SPOCK3: variants seen among roughly 807,000 people sequenced by gnomAD.
SPOCK3 encodes SPARC (osteonectin), cwcv and kazal like domains proteoglycan 3, also known as testican-3.
A neutral mutation model predicts 56.6 loss-of-function variants in SPOCK3; 30 were observed. The ratio of observed to expected loss-of-function variants is 0.53; its 90% CI spans 0.40 to 0.72. The LOEUF is 0.72. Among genes scored for constraint, SPOCK3 ranks in the 30% least tolerant of loss-of-function variants. SPOCK3 has a pLI of 0.00. For synonymous variants in SPOCK3, 196 were observed against 183.3 expected (o/e 1.07, Z -0.56); for missense variants, 527 against 530.0 (o/e 0.99, Z 0.06).
At chr4:167,183,198 TCAGCCCAGCCCAGTC>T (rs1731651884) in intron 2 of SPOCK3, among the ~76,000 whole-genome samples, 1 of 151,970 alleles carries the variant, frequency 6.6e-6, no homozygotes, top group South Asian at 2.1e-4. Context: ...ATGAAAACAT[TCAGCCCAGCCCAGTC>T]CAGCCCAGCC....
At chr4:166,983,823 T>A (rs1746848637) in intron 4 of SPOCK3, among the ~76,000 whole-genome samples, 1 of 152,086 alleles carries the variant, frequency 6.6e-6, no homozygotes, top group Non-Finnish European at 1.5e-5. Flanking sequence ...AAAGCAAGAC[T>A]ATAGTAGCCT....
At chr4:167,025,882 A>T (rs1751652883) in intron 3 of SPOCK3, among the ~76,000 whole-genome samples, 1 of 152,092 alleles carries the variant, frequency 6.6e-6, no homozygotes. Context: ...GGTACAGTCT[A>T]CTACTCACCT....
At chr4:167,134,631 A>G (rs1292226868) in intron 2 of SPOCK3, among the ~76,000 whole-genome samples, 2 of 152,276 alleles carry the variant, frequency 1.3e-5, no homozygotes, top group African/African-American at 4.8e-5. Context: ...TAATTTATGC[A>G]TCACAAACTT....
intron 4 of SPOCK3, among the ~76,000 whole-genome samples, chr4:166,949,137 G>A (rs553312499): frequency 2.0e-5 from 3 of 152,064 alleles, no homozygotes; most frequent in South Asian, 2.1e-4. Flanking sequence ...GATCGCATCC[G>A]CTCCTGAGGC....
rs570475958 is a variant in SPOCK3 at position 166,736,899 on chromosome 4, T to TA, written c.1132+567dup. 9.2e-5 allele frequency among the ~76,000 whole-genome samples: 14 copies of TA among 152,228 alleles called. No individual in the cohort carries two copies. In the South Asian group the frequency reaches 2.7e-3, roughly 29 times the overall value. On this transcript the variant is annotated intron_variant, in intron 10 of 10. Coordinates refer to ENST00000357545, the MANE Select transcript of SPOCK3 (RefSeq NM_001040159.2). The stretch of plus-strand genomic sequence containing the variant: ...TTACATTCTATTTTAAATATATACA[T>TA]AAAAAATGCATGTTCCTAAAAAAGA...
chr4:167,209,669 T>G (rs548693254), intron 2 of SPOCK3, among the ~76,000 whole-genome samples: 1 of 152,156 alleles, frequency 6.6e-6, no homozygotes, highest in Non-Finnish European at 1.5e-5. Context: ...AGCCATTACA[T>G]AGAAGATCAA....
chr4:166,987,141 A>G (rs561503966), intron 4 of SPOCK3, among the ~76,000 whole-genome samples: 31 of 152,164 alleles, frequency 2.0e-4, no homozygotes, highest in Non-Finnish European at 4.1e-4. Context: ...GCCCTATAAG[A>G]TATGAGTGCT....
intron 3 of SPOCK3, among the ~76,000 whole-genome samples, chr4:167,004,560 G>T (rs1297588968): frequency 1.3e-5 from 2 of 152,092 alleles, no homozygotes; most frequent in Non-Finnish European, 2.9e-5. Flanking sequence ...CCACACACAA[G>T]AATTTGGAGA....
At chr4:167,055,234 A>C (rs377360499) in intron 3 of SPOCK3, among the ~76,000 whole-genome samples, 2 of 152,210 alleles carry the variant, frequency 1.3e-5, no homozygotes, top group East Asian at 3.9e-4. Flanking sequence ...TGGTAAATTA[A>C]AAACTAAAAA....
intron 2 of SPOCK3, among the ~76,000 whole-genome samples, chr4:167,117,242 G>T (rs888723857): frequency 3.3e-5 from 5 of 151,970 alleles, no homozygotes; most frequent in Non-Finnish European, 7.4e-5. Flanking sequence ...AAGAGGAAAA[G>T]GAACATCAGC....
At chr4:166,744,155 C>T (rs939857031) in intron 8 of SPOCK3, among the ~76,000 whole-genome samples, 2 of 152,196 alleles carry the variant, frequency 1.3e-5, no homozygotes, top group Admixed American at 6.5e-5. Context: ...AGACTGCCTC[C>T]TCAAGTGGGT....
At chr4:167,023,026 G>A (rs1038076769) in intron 3 of SPOCK3, among the ~76,000 whole-genome samples, 33 of 151,928 alleles carry the variant, frequency 2.2e-4, no homozygotes, top group African/African-American at 7.7e-4. Flanking sequence ...AGAAATTCAT[G>A]TACACAATGA....
intron 6 of SPOCK3, among the ~76,000 whole-genome samples, chr4:166,881,531 C>T (rs1733692135): frequency 6.6e-6 from 1 of 151,980 alleles, no homozygotes; most frequent in African/African-American, 2.4e-5. Flanking sequence ...TTTCGCTCCA[C>T]AAAACATAGA....
At chr4:167,154,160 G>GA (rs1764627166) in intron 2 of SPOCK3, among the ~76,000 whole-genome samples, 1 of 151,892 alleles carries the variant, frequency 6.6e-6, no homozygotes, top group Non-Finnish European at 1.5e-5. Context: ...TCCAAGAAGG[G>GA]GTTCATAGAC....
rs570494999 is a variant in SPOCK3, at chr4:167,211,794, C to A, written c.189+22191G>T. Among the ~76,000 whole-genome samples the A allele has an allele frequency of 6.6e-5, 10 of 152,254 alleles. No individual in the cohort carries two copies. In the South Asian group the frequency reaches 2.1e-3, roughly 32 times the overall value. ...TCAGCAGCATGAAAAAGGACTAATACATGTACATATTGGAACATAGTAAAT... is the reference window on the plus strand; with the variant it reads ...TCAGCAGCATGAAAAAGGACTAATAAATGTACATATTGGAACATAGTAAAT... On this transcript the variant is annotated intron_variant, in intron 2 of 10. Coordinates refer to ENST00000357545, the MANE Select transcript of SPOCK3 (RefSeq NM_001040159.2).
At chr4:167,127,602 A>G (rs1428557094) in intron 2 of SPOCK3, among the ~76,000 whole-genome samples, 1 of 151,906 alleles carries the variant, frequency 6.6e-6, no homozygotes, top group Non-Finnish European at 1.5e-5. Flanking sequence ...TAATTTTTGT[A>G]TTTTTAGTAG....
At chr4:167,055,524 G>C (rs540953491) in intron 3 of SPOCK3, among the ~76,000 whole-genome samples, 1 of 152,178 alleles carries the variant, frequency 6.6e-6, no homozygotes, top group Non-Finnish European at 1.5e-5. Flanking sequence ...GAAGCCCAAG[G>C]GGTCAGGGAG....
intron 4 of SPOCK3, among the ~76,000 whole-genome samples, chr4:166,920,919 T>C (rs1455968064): frequency 6.6e-6 from 1 of 152,216 alleles, no homozygotes; most frequent in Non-Finnish European, 1.5e-5. Flanking sequence ...TGCTGCATTT[T>C]ATTTAAGTAA....
intron 6 of SPOCK3, among the ~76,000 whole-genome samples, chr4:166,849,571 A>G (rs1748465923): frequency 6.6e-6 from 1 of 152,216 alleles, no homozygotes; most frequent in South Asian, 2.1e-4. Context: ...ATTTACTATT[A>G]TAAAACATCT....
Sources: allele counts gnomAD v4.1 joint callset (sites outside exome capture counted in the v4.1 genomes callset), GRCh38; gene constraint gnomAD v4.1.1; transcripts MANE v1.5; gene names NCBI Gene and HGNC (gene_info 2026-07-23, HGNC 2026-07-21).